The following TRIM29 variants were observed in gnomAD, a reference collection of about 807,000 sequenced individuals.
The protein encoded by TRIM29 is tripartite motif-containing protein 29.
TRIM29 carries 52 observed loss-of-function variants against 57.3 expected under a neutral mutation model. That is an observed-to-expected ratio of 0.91 (90% confidence interval 0.73 to 1.14). The LOEUF is 1.14. Ranked by LOEUF, TRIM29 falls within the 50% of genes most tolerant of loss-of-function variation. The pLI is 0.00. For missense variants in TRIM29, 753 were observed against 774.6 expected (o/e 0.97, Z 0.33); for synonymous variants, 319 against 316.9 (o/e 1.01, Z -0.07).
At chr11:120,118,606 C>T (rs1330773703) in intron 6 of TRIM29, among the ~76,000 whole-genome samples, 1 of 152,108 alleles carries the variant, frequency 6.6e-6, no homozygotes, top group Non-Finnish European at 1.5e-5. Flanking sequence ...AGTTGCTCCC[C>T]CAACCCCCAC....
rs1591331468 is a variant in TRIM29, at chr11:120,133,939, G to A, written c.804+3289C>T. On this transcript the variant is annotated intron_variant, in intron 1 of 8. Transcript: ENST00000341846. ...CCACCCCAGAGCAGGCCAGATCCAT[G>A]ACAGTGCAGGGCCCCCCAAGAGCAG... Among the ~76,000 whole-genome samples, 3 of 152,246 alleles carry A rather than the reference G, an allele frequency of 2.0e-5. No individual in the cohort carries two copies. The South Asian group carries it at 6.2e-4, about 32-fold the overall frequency.
At chr11:120,115,459 T>G (rs503559) in intron 7 of TRIM29, 45 bp from the exon 8 acceptor site, 36 of 1,570,918 alleles carry the variant, frequency 2.3e-5, no homozygotes, top group Admixed American at 8.6e-5. Flanking sequence ...GCGCTGGTGG[T>G]CAGGGGTGCC....
At position 120,122,950 on chromosome 11, in the gene TRIM29, T is replaced by C. The variant is rs750829150; in HGVS notation, c.1435+4A>G. 1.2e-6 allele frequency: 2 copies of C among 1,613,340 alleles called. No homozygotes were observed. The highest frequency in any genetic ancestry group is 2.7e-5 in the African/African-American group (2 of 74,904). ...TAGGTCTGGGGTGAGGGGCTCCCTC[T>C]TACCTTTGGGTGTCAGGTACATGGA... On this transcript the variant is annotated splice_donor_region_variant and intron_variant, in intron 5 of 8. Coordinates refer to ENST00000341846, the MANE Select transcript of TRIM29 (RefSeq NM_012101.4).
Position 120,122,538 on chromosome 11 carries a change from C to G in TRIM29, c.1435+416G>C, listed in dbSNP as rs369972688. On this transcript the variant is annotated intron_variant, in intron 5 of 8. Coordinates refer to ENST00000341846, the MANE Select transcript of TRIM29 (RefSeq NM_012101.4). ...TAGGGGAGCAGAATGGTCCTGGGGTCGGCAGCCATCTCACAGGGCTCAGCC... is the reference window on the plus strand; with the variant it reads ...TAGGGGAGCAGAATGGTCCTGGGGTGGGCAGCCATCTCACAGGGCTCAGCC... 3.9e-5 allele frequency among the ~76,000 whole-genome samples: 6 copies of G among 152,232 alleles called. No individual in the cohort carries two copies. In the East Asian group the frequency reaches 9.7e-4, roughly 25 times the overall value.
rs1012947526 is a variant in TRIM29, at chr11:120,115,479, A to G, written c.1628-65T>C. On this transcript the variant is annotated intron_variant, in intron 7 of 8. Transcript: ENST00000341846. ...GGTGGTCAGGGGTGCCCGGGCCCAG[A>G]GCAGCACAGCTGCCTTCTCCAAAGT... 24 of 1,388,822 alleles carry G rather than the reference A, an allele frequency of 1.7e-5. No individual in the cohort carries two copies. The African/African-American group carries it at 2.6e-4, about 15-fold the overall frequency. 86.0% of individuals were successfully genotyped at this position (1,388,822 alleles called of 1,614,324 possible).
Position 120,127,559 on chromosome 11 carries a change from G to A in TRIM29, c.911C>T (p.Thr304Ile). The A allele has an allele frequency of 6.2e-7, 1 of 1,613,816 alleles. No individual in the cohort carries two copies. The highest frequency in any genetic ancestry group is 8.5e-7 in the Non-Finnish European group (1 of 1,179,834). The change falls in exon 3 of 9, where the codon ACC (threonine) becomes ATC (isoleucine). Residue 304 changes from threonine to isoleucine, a missense_variant. Thr to Ile is a moderately conservative substitution (Grantham distance 89). Transcript: ENST00000341846. ...KEKDRIKSFT[T>I]NEKAILEQNF... ...CTGCTCCAGGATGGCCTTCTCATTG[G>A]TGGTGAAGCTCTGGAGGTCCAGAGT...
chr11:120,116,479 G>A (rs1489927923), intron 7 of TRIM29: 1 of 152,586 alleles, frequency 6.6e-6, no homozygotes, highest in Non-Finnish European at 1.5e-5. Context: ...TGCTCTAAGC[G>A]AGGATGAGCA....
intron 1 of TRIM29, among the ~76,000 whole-genome samples, chr11:120,129,663 G>GTGCTAACAGGGGACCTCC (rs1863678206): frequency 6.6e-6 from 1 of 151,734 alleles, no homozygotes; most frequent in Non-Finnish European, 1.5e-5. Context: ...GGCCAAGGAA[G>GTGCTAACAGGGGACCTCC]TGCTAACAGG....
intron 7 of TRIM29, chr11:120,116,551 C>A (rs1403896611): frequency 6.5e-6 from 1 of 153,142 alleles, no homozygotes; most frequent in Non-Finnish European, 1.5e-5. Flanking sequence ...CAGGTTGGCA[C>A]TGAGCAAGGA....
At chr11:120,120,475 G>A in intron 6 of TRIM29, 98 bp downstream of exon 6, 1 of 1,091,508 alleles carries the variant, frequency 9.2e-7, no homozygotes, top group South Asian at 1.5e-5. Context: ...TCTCACACTG[G>A]GGTCCCAGCC....
chr11:120,125,395 C>A, intron 4 of TRIM29: 1 of 421,474 alleles, frequency 2.4e-6, no homozygotes, highest in Non-Finnish European at 4.3e-6. Context: ...CTGAACGAAA[C>A]CAGTCTCTGA....
chr11:120,120,258 G>C (rs1863399707), intron 6 of TRIM29, among the ~76,000 whole-genome samples: 1 of 151,784 alleles, frequency 6.6e-6, no homozygotes, highest in Non-Finnish European at 1.5e-5. Flanking sequence ...GGGATCAGAA[G>C]AGCACACAGA....
chr11:120,135,861 T>C (rs1256089465), intron 1 of TRIM29, among the ~76,000 whole-genome samples: 1 of 151,706 alleles, frequency 6.6e-6, no homozygotes, highest in Non-Finnish European at 1.5e-5. Flanking sequence ...GAAAGTGGAG[T>C]TCACTGCTTT....
Position 120,112,371 on chromosome 11 carries a change from A to G in TRIM29, c.*43T>C. 1 of 1,609,446 alleles carries G rather than the reference A, an allele frequency of 6.2e-7. No homozygotes were observed. The highest frequency in any genetic ancestry group is 8.5e-7 in the Non-Finnish European group (1 of 1,176,288). On this transcript the variant is annotated 3_prime_UTR_variant, in exon 9 of 9. Transcript: ENST00000341846. ...AGAAGGCAAGAGCAGCAGGGTCAGG[A>G]GGAAGAGCAGGGGTGTGGCGCCTCG...
chr11:120,112,158 A>C lies in TRIM29; in HGVS notation c.*256T>G. On this transcript the variant is annotated 3_prime_UTR_variant, in exon 9 of 9. Transcript: ENST00000341846. ...GGCCCCAACCTATCTCACCCCTGTG[A>C]TGGGTTGGCCTCTGAGCACAGGAAT... 2.2e-6 allele frequency: 1 copy of C among 457,340 alleles called. No homozygotes were observed. Among genetic ancestry groups the C allele is most frequent in the Non-Finnish European group, 4.0e-6 (1 of 252,126 alleles). 28.3% of individuals were successfully genotyped at this position (457,340 alleles called of 1,614,324 possible). A position where few individuals can be genotyped will look rare whatever the true frequency, so the allele number is the denominator to read the frequency against.
chr11:120,135,089 T>C (rs1198653913), intron 1 of TRIM29, among the ~76,000 whole-genome samples: 2 of 152,090 alleles, frequency 1.3e-5, no homozygotes, highest in South Asian at 2.1e-4. Context: ...AACTCTGAGC[T>C]CCTGGCACAT....
intron 1 of TRIM29, among the ~76,000 whole-genome samples, chr11:120,132,367 C>A (rs1250176045): frequency 6.6e-6 from 1 of 152,180 alleles, no homozygotes; most frequent in African/African-American, 2.4e-5. Context: ...CACCTCCCTC[C>A]TGACTTCCTA....
At chr11:120,120,431 TG>T in intron 6 of TRIM29, 141 bp downstream of exon 6, 1 of 727,950 alleles carries the variant, frequency 1.4e-6, no homozygotes, top group Non-Finnish European at 2.3e-6. Flanking sequence ...TACCCATGCC[TG>T]GACCCTCCAC....
intron 5 of TRIM29, 105 bp downstream of exon 5, chr11:120,122,834 AAACTGGACATGCCAT>A (rs1472790893): frequency 1.3e-6 from 1 of 751,924 alleles, no homozygotes; most frequent in East Asian, 2.5e-5. Context: ...TTTCCCAGGC[AAACTGGACATGCCAT>A]CACCCCCACT....
Sources: allele counts gnomAD v4.1 joint callset (sites outside exome capture counted in the v4.1 genomes callset), GRCh38; gene constraint gnomAD v4.1.1; transcripts MANE v1.5; gene names NCBI Gene and HGNC (gene_info 2026-07-23, HGNC 2026-07-21).